Variants in FCAMR observed in about 807,000 individuals in gnomAD.
The protein encoded by FCAMR is Fc alpha and mu receptor.
Under a neutral mutation model 52.2 loss-of-function variants are expected in FCAMR, and 51 were observed. The observed-to-expected ratio is 0.98, with a 90% CI of 0.78 to 1.23. The LOEUF (loss-of-function observed/expected upper bound fraction) is 1.23, where lower values mean the gene tolerates loss of function less well. Ranked by LOEUF, FCAMR falls within the 50% of genes most tolerant of loss-of-function variation. The probability of loss-of-function intolerance (pLI) is 0.00; values close to 1 mark genes in which losing one functional copy is unlikely to be tolerated. For synonymous variants in FCAMR, 282 were observed against 262.0 expected, an observed-to-expected ratio of 1.08 and a Z score of -0.74; for missense variants, 719 against 712.6, an observed-to-expected ratio of 1.01 and a Z score of -0.10.
intron 4 of FCAMR, among the ~76,000 whole-genome samples, chr1:206,962,792 C>A (rs890982298): frequency 2.6e-5 from 4 of 152,154 alleles, no homozygotes; most frequent in African/African-American, 9.7e-5. Context: ...TAACACTTAT[C>A]CTGAGCTATC....
rs182921700 is a variant in FCAMR, at chr1:206,964,821, G to C, written c.313+894C>G. Among the ~76,000 whole-genome samples the C allele has an allele frequency of 1.4e-3, 210 of 152,262 alleles. 4 individuals are homozygous for C. The highest frequency in any genetic ancestry group is 0.011 in the Admixed American group (161 of 15,298). The stretch of plus-strand genomic sequence containing the variant: ...GCCAGGAACAGTTAAGCAGTTTGTG[G>C]GTGCCAGAGCAAAATGAAAATGCAG... On this transcript the variant is annotated intron_variant, in intron 4 of 7. Coordinates refer to ENST00000324852, the MANE Select transcript of FCAMR (RefSeq NM_001170631.2).
intron 7 of FCAMR, 143 bp downstream of exon 7, chr1:206,959,536 G>T (rs1680407752): frequency 1.6e-6 from 1 of 627,928 alleles, no homozygotes. Context: ...AGAAACCAAG[G>T]CCAAGAGTGG....
intron 1 of FCAMR, among the ~76,000 whole-genome samples, chr1:206,968,613 T>C (rs1680807847): frequency 6.6e-6 from 1 of 152,168 alleles, no homozygotes; most frequent in Non-Finnish European, 1.5e-5. Context: ...CCAAACAGTT[T>C]AAGCCATGCA....
At chr1:206,964,520 GC>G (rs1397681925) in intron 4 of FCAMR, among the ~76,000 whole-genome samples, 3 of 151,890 alleles carry the variant, frequency 2.0e-5, no homozygotes, top group Admixed American at 1.3e-4. Context: ...TCCCCTTGGT[GC>G]TAAATGAGTT....
chr1:206,969,603 C>T (rs1355408790), intron 1 of FCAMR, among the ~76,000 whole-genome samples: 1 of 152,146 alleles, frequency 6.6e-6, no homozygotes, highest in Non-Finnish European at 1.5e-5. Flanking sequence ...CATGACTTCC[C>T]AGATGCCTAC....
At chr1:206,966,342 A>AC (rs1308575538) in intron 3 of FCAMR, among the ~76,000 whole-genome samples, 1 of 152,180 alleles carries the variant, frequency 6.6e-6, no homozygotes, top group African/African-American at 2.4e-5. Flanking sequence ...AGGTGGTGTG[A>AC]TTTTATCACG....
chr1:206,959,661 T>C lies in FCAMR; in HGVS notation c.1573+18A>G, dbSNP rs773676722. The C allele has an allele frequency of 4.4e-6, 7 of 1,597,968 alleles. No homozygotes were observed. Among genetic ancestry groups the C allele is most frequent in the Admixed American group, 1.7e-5 (1 of 59,972 alleles). On this transcript the variant is annotated intron_variant, in intron 7 of 7. Transcript: ENST00000324852. Reference sequence around the variant, plus strand: ...GAACCAGAACTCTTCTATCTAGCCTTGGGGCTACTCAACTCACAGGTCCTC... The same window carrying C: ...GAACCAGAACTCTTCTATCTAGCCTCGGGGCTACTCAACTCACAGGTCCTC...
Position 206,962,408 on chromosome 1 carries a change from G to C in FCAMR, c.457C>G (p.Gln153Glu). 1 of 1,614,188 alleles carries C rather than the reference G, an allele frequency of 6.2e-7. No homozygotes were observed. The highest frequency in any genetic ancestry group is 1.1e-5 in the South Asian group (1 of 91,076). ...CRLGPPRWIC[Q>E]TIVSTNQYTH... ...TACTGGTTGGTGGACACAATGGTCT[G>C]GCAGATCCATCTTGGGGGCCCCAGA... The change falls in exon 5 of 8, where the codon CAG (glutamine) becomes GAG (glutamate). Residue 153 changes from glutamine to glutamate, a missense_variant. Coordinates refer to ENST00000324852, the MANE Select transcript of FCAMR (RefSeq NM_001170631.2).
chr1:206,969,785 C>T (rs1353873512), intron 1 of FCAMR, among the ~76,000 whole-genome samples: 1 of 152,216 alleles, frequency 6.6e-6, no homozygotes, highest in Admixed American at 6.5e-5. Flanking sequence ...TGTTCCTCTC[C>T]TCTACAAAAG....
At chr1:206,965,387 G>A (rs1170287384) in intron 4 of FCAMR, among the ~76,000 whole-genome samples, 2 of 152,160 alleles carry the variant, frequency 1.3e-5, no homozygotes, top group African/African-American at 2.4e-5. Flanking sequence ...GGATTCATTT[G>A]ATAGATCACT....
rs746030957 is a variant in FCAMR at position 206,962,209 on chromosome 1, A to G, written c.652+4T>C. On this transcript the variant is annotated splice_donor_region_variant and intron_variant, in intron 5 of 7. Coordinates refer to ENST00000324852, the MANE Select transcript of FCAMR (RefSeq NM_001170631.2). ...AGCTTGGCCCATCAGCCGTCAGCTCATACCTGCAGAGATGGTCAGATTCAT... is the reference window on the plus strand; with the variant it reads ...AGCTTGGCCCATCAGCCGTCAGCTCGTACCTGCAGAGATGGTCAGATTCAT... 6.2e-7 allele frequency: 1 copy of G among 1,612,762 alleles called. No homozygotes were observed. The highest frequency in any genetic ancestry group is 8.5e-7 in the Non-Finnish European group (1 of 1,178,864).
intron 7 of FCAMR, 179 bp from the exon 8 acceptor site, chr1:206,958,855 C>A (rs1039099532): frequency 8.0e-6 from 6 of 754,498 alleles, no homozygotes; most frequent in African/African-American, 1.8e-5. Context: ...ACTTCGGGGC[C>A]TGGGTCTGAG....
chr1:206,962,090 C>A, intron 5 of FCAMR, 123 bp downstream of exon 5: 1 of 971,866 alleles, frequency 1.0e-6, no homozygotes, highest in East Asian at 2.6e-5. Flanking sequence ...TTGCCTTGCC[C>A]CAGCTTTTCA....
Position 206,960,960 on chromosome 1 carries a change from C to A in FCAMR, c.916G>T (p.Ala306Ser). The A allele has an allele frequency of 6.4e-7, 1 of 1,552,034 alleles. No individual in the cohort carries two copies. The highest frequency in any genetic ancestry group is 8.7e-7 in the Non-Finnish European group (1 of 1,147,062). The change falls in exon 6 of 8, where the codon GCT becomes TCT. Residue 306 changes from alanine (A) to serine (S), a missense_variant. By Grantham distance (99) the Ala-to-Ser change is moderately conservative (BLOSUM62 1). Transcript: ENST00000324852. Reference sequence around the variant, plus strand: ...GAAGGTGGACTCTCTGGAATCGGAGCAGGTGCTTTGACAGAACCCTCTGCC... The same window carrying A: ...GAAGGTGGACTCTCTGGAATCGGAGAAGGTGCTTTGACAGAACCCTCTGCC... ...SWAEGSVKAP[A>S]PIPESPPSKS...
chr1:206,959,064 G>A lies in FCAMR; in HGVS notation c.1574-388C>T, dbSNP rs1680384376. On this transcript the variant is annotated intron_variant, in intron 7 of 7. Transcript: ENST00000324852. ...CTGCACTCCTGCTCTCTGCTGTGAG[G>A]GTTGCTTATGAGGCTTATGGTTAAC... 3.7e-5 allele frequency: 16 copies of A among 428,540 alleles called. 1 individual carries two copies. The highest frequency in any genetic ancestry group is 2.4e-4 in the South Asian group (13 of 53,620). 26.5% of individuals were successfully genotyped at this position (428,540 alleles called of 1,614,324 possible).
At chr1:206,961,316 T>C in intron 5 of FCAMR, 93 bp from the exon 6 acceptor site, 1 of 1,022,124 alleles carries the variant, frequency 9.8e-7, no homozygotes. Context: ...GTCTGCTAAG[T>C]GGAATGCAAC....
upstream of FCAMR, chr1:206,970,526 G>A (rs113829322): frequency 8.0e-3 from 1,256 of 157,096 alleles, 13 homozygotes; most frequent in African/African-American, 0.028. Flanking sequence ...GGCATCTCCC[G>A]GACAAGTGAT....
chr1:206,962,534 C>T lies in FCAMR; in HGVS notation c.331G>A (p.Gly111Ser). 6 of 1,565,542 alleles carry T rather than the reference C, an allele frequency of 3.8e-6. No individual in the cohort carries two copies. Among genetic ancestry groups the T allele is most frequent in the South Asian group, 1.2e-5 (1 of 84,782 alleles). ...GGCTCCCCTGACACCAGCCTTGAGC[C>T]CTTCAATGAATTTGGAGCTGCAGAC... Reference protein sequence around the residue: ...SSFAAPNSLKGSRLVSGEPGG... With the variant: ...SSFAAPNSLKSSRLVSGEPGG... The change falls in exon 5 of 8, where the codon GGC becomes AGC. Residue 111 changes from glycine (G) to serine (S), a missense_variant. Gly to Ser is a moderately conservative substitution (Grantham distance 56). Transcript: ENST00000324852.
chr1:206,960,261 C>T (rs940313619), intron 6 of FCAMR, 161 bp downstream of exon 6: 33 of 690,512 alleles, frequency 4.8e-5, no homozygotes, highest in Non-Finnish European at 7.7e-5. Flanking sequence ...GGAGCGTTCT[C>T]ACAGCAAGGC....
Sources: allele counts gnomAD v4.1 joint callset (sites outside exome capture counted in the v4.1 genomes callset), GRCh38; gene constraint gnomAD v4.1.1; transcripts MANE v1.5; gene names NCBI Gene and HGNC (gene_info 2026-07-23, HGNC 2026-07-21).